Variants in AFF3 observed in about 807,000 individuals in gnomAD.
AFF3 encodes the protein ALF transcription elongation factor 3, also known as AF4/FMR2 family member 3.
In AFF3, 32 loss-of-function variants were observed where a neutral mutation model predicts 129.7. The observed-to-expected ratio is 0.25, with a 90% CI of 0.19 to 0.33. The LOEUF is 0.33. Ranked by LOEUF, AFF3 falls within the 10% of genes least tolerant of loss-of-function variation. The probability of loss-of-function intolerance (pLI) is 1.00; values close to 1 mark genes in which losing one functional copy is unlikely to be tolerated. For missense variants in AFF3, 1,373 were observed against 1,592.0 expected, an observed-to-expected ratio of 0.86 and a Z score of 2.34; for synonymous variants, 644 against 635.4, an observed-to-expected ratio of 1.01 and a Z score of -0.20.
intron 11 of AFF3, among the ~76,000 whole-genome samples, chr2:99,717,084 T>A (rs1413485093): frequency 6.6e-6 from 1 of 152,244 alleles, no homozygotes; most frequent in Admixed American, 6.5e-5. Flanking sequence ...TTGTTGCTAT[T>A]TGATTAGAAG....
intron 7 of AFF3, among the ~76,000 whole-genome samples, chr2:99,897,199 G>C (rs981479335): frequency 6.6e-6 from 1 of 152,014 alleles, no homozygotes; most frequent in Admixed American, 6.6e-5. Context: ...TTGCTATTTT[G>C]GGATAACAAA....
At chr2:100,017,597 C>A (rs1161444275) in intron 4 of AFF3, among the ~76,000 whole-genome samples, 2 of 152,322 alleles carry the variant, frequency 1.3e-5, no homozygotes, top group East Asian at 3.9e-4. Flanking sequence ...AAACCACAGT[C>A]ACCCCAAATA....
chr2:99,559,972 G>C (rs1245479542), intron 21 of AFF3, among the ~76,000 whole-genome samples: 1 of 152,238 alleles, frequency 6.6e-6, no homozygotes, highest in Non-Finnish European at 1.5e-5. Flanking sequence ...TTCAAAGTAA[G>C]CGGCTGCGCC....
chr2:100,108,717 G>A (rs1185612421), intron 2 of AFF3, among the ~76,000 whole-genome samples: 1 of 152,046 alleles, frequency 6.6e-6, no homozygotes, highest in African/African-American at 2.4e-5. Context: ...AACATATTTG[G>A]ACTATCTGTC....
chr2:99,749,906 T>C (rs1198610819), intron 9 of AFF3, among the ~76,000 whole-genome samples: 1 of 152,188 alleles, frequency 6.6e-6, no homozygotes. Flanking sequence ...ACTATTGACA[T>C]AGGGTATTTC....
At chr2:99,658,197 G>A (rs1685919621) in intron 12 of AFF3, among the ~76,000 whole-genome samples, 1 of 152,208 alleles carries the variant, frequency 6.6e-6, no homozygotes, top group Admixed American at 6.5e-5. Flanking sequence ...AAGGCTCTAT[G>A]GAGGGCATAG....
chr2:100,017,448 T>G (rs1284715694), intron 4 of AFF3, among the ~76,000 whole-genome samples: 1 of 152,170 alleles, frequency 6.6e-6, no homozygotes, highest in East Asian at 1.9e-4. Context: ...GATCTCTACT[T>G]TAGCTATGCT....
intron 4 of AFF3, among the ~76,000 whole-genome samples, chr2:100,088,077 G>A (rs1242275445): frequency 6.9e-6 from 1 of 145,774 alleles, no homozygotes; most frequent in Admixed American, 6.8e-5. Context: ...ACTCAACAGT[G>A]AATGACAAAG....
chr2:99,889,642 C>A (rs183666792), intron 7 of AFF3, among the ~76,000 whole-genome samples: 2 of 152,258 alleles, frequency 1.3e-5, no homozygotes. Flanking sequence ...AGAGGACACT[C>A]AACCCCGGAG....
rs535257887 is a variant in AFF3, at chr2:100,050,175, G to A, written c.54-41243C>T. The stretch of plus-strand genomic sequence containing the variant: ...ATCACACCACTGCACTCCAGCCTGG[G>A]TGACAGAGCAAGACTTCATCTCGGG... On this transcript the variant is annotated intron_variant, in intron 4 of 24. Coordinates refer to ENST00000672756, the MANE Select transcript of AFF3 (RefSeq NM_001386135.1). 5.3e-5 allele frequency among the ~76,000 whole-genome samples: 8 copies of A among 151,880 alleles called. No individual in the cohort carries two copies. The South Asian group carries it at 1.7e-3, about 32-fold the overall frequency.
chr2:99,831,847 T>C (rs964656403), intron 8 of AFF3, among the ~76,000 whole-genome samples: 2 of 152,332 alleles, frequency 1.3e-5, no homozygotes, highest in East Asian at 3.9e-4. Context: ...CCTCTTGTTT[T>C]GTGTTGCTGG....
intron 7 of AFF3, among the ~76,000 whole-genome samples, chr2:99,856,946 C>T (rs1345263107): frequency 1.3e-5 from 2 of 152,096 alleles, no homozygotes; most frequent in Non-Finnish European, 2.9e-5. Flanking sequence ...TTTCTCCCTT[C>T]CTCTGGCATT....
intron 11 of AFF3, among the ~76,000 whole-genome samples, chr2:99,684,296 T>A (rs1489484415): frequency 1.3e-5 from 2 of 152,246 alleles, no homozygotes; most frequent in South Asian, 4.1e-4. Context: ...TGGACCAAGA[T>A]GACCATCTGG....
At chr2:99,648,802 A>T (rs1285444095) in intron 13 of AFF3, among the ~76,000 whole-genome samples, 1 of 151,692 alleles carries the variant, frequency 6.6e-6, no homozygotes, top group African/African-American at 2.4e-5. Flanking sequence ...AGCCAAGGGC[A>T]CAGCTCCTCC....
chr2:100,085,827 G>A (rs1689376259), intron 4 of AFF3, among the ~76,000 whole-genome samples: 1 of 151,922 alleles, frequency 6.6e-6, no homozygotes, highest in Non-Finnish European at 1.5e-5. Flanking sequence ...CAGAGCAGGG[G>A]CCACATTACT....
rs539589770 is a variant in AFF3, at chr2:99,690,913, C to T, written c.1092-18324G>A. Among the ~76,000 whole-genome samples, 11 of 151,252 alleles carry T rather than the reference C, an allele frequency of 7.3e-5. No individual in the cohort carries two copies. The East Asian group carries it at 1.2e-3, about 16-fold the overall frequency. On this transcript the variant is annotated intron_variant, in intron 11 of 24. Coordinates refer to ENST00000672756, the MANE Select transcript of AFF3 (RefSeq NM_001386135.1). Reference sequence around the variant, plus strand: ...GAGGTCAGGAGAAAGGAGATGGGGACGGATAACAGCATGGTGGGCAGTGCC... The same window carrying T: ...GAGGTCAGGAGAAAGGAGATGGGGATGGATAACAGCATGGTGGGCAGTGCC...
chr2:99,659,904 G>A (rs10496338), intron 12 of AFF3, among the ~76,000 whole-genome samples: 2,063 of 152,240 alleles, frequency 0.014, 162 homozygotes, highest in Admixed American at 0.11. Flanking sequence ...AAGTACTGCA[G>A]GTTCCATCAT....
At chr2:100,057,374 C>A (rs1174956648) in intron 4 of AFF3, among the ~76,000 whole-genome samples, 2 of 150,900 alleles carry the variant, frequency 1.3e-5, no homozygotes, top group Non-Finnish European at 3.0e-5. Flanking sequence ...ATATCCTAGG[C>A]CTGCCACTTA....
intron 4 of AFF3, among the ~76,000 whole-genome samples, chr2:100,083,357 C>T (rs1213802932): frequency 6.6e-6 from 1 of 152,172 alleles, no homozygotes; most frequent in African/African-American, 2.4e-5. Context: ...CTGAGGTTTT[C>T]CTGGAGTACC....
Sources: allele counts gnomAD v4.1 joint callset (sites outside exome capture counted in the v4.1 genomes callset), GRCh38; gene constraint gnomAD v4.1.1; transcripts MANE v1.5; gene names NCBI Gene and HGNC (gene_info 2026-07-23, HGNC 2026-07-21).